CNTN5: variants seen among roughly 807,000 people sequenced by gnomAD.
CNTN5 encodes the protein contactin-5.
Under a neutral mutation model 129.1 loss-of-function variants are expected in CNTN5, and 77 were observed. The observed-to-expected ratio is 0.60, with a 90% CI of 0.50 to 0.72. CNTN5 has a LOEUF of 0.72. Ranked by LOEUF, CNTN5 falls within the 30% of genes least tolerant of loss-of-function variation. The pLI, the probability that CNTN5 is intolerant of heterozygous loss-of-function variation, is 0.00. For synonymous variants in CNTN5, 509 were observed against 465.6 expected (o/e 1.09, Z -1.20); for missense variants, 1,478 against 1,328.8 (o/e 1.11, Z -1.75).
chr11:100,033,945 T>C (rs1423127537), intron 9 of CNTN5, among the ~76,000 whole-genome samples: 1 of 152,200 alleles, frequency 6.6e-6, no homozygotes, highest in Non-Finnish European at 1.5e-5. Flanking sequence ...CACATCCTTC[T>C]TTCCTCAACT....
intron 2 of CNTN5, among the ~76,000 whole-genome samples, chr11:99,432,635 G>A (rs1271382624): frequency 6.6e-6 from 1 of 151,686 alleles, no homozygotes; most frequent in Admixed American, 6.6e-5. Context: ...GCAGTTCAGG[G>A]CAAGTGAGAG....
At chr11:99,038,020 TTTAA>T (rs1238471670) in intron 1 of CNTN5, among the ~76,000 whole-genome samples, 4 of 152,196 alleles carry the variant, frequency 2.6e-5, no homozygotes, top group African/African-American at 9.6e-5. Flanking sequence ...CATAATTTAA[TTTAA>T]TTAATTTAAT....
At chr11:99,573,318 C>T (rs1396714526) in intron 3 of CNTN5, among the ~76,000 whole-genome samples, 1 of 152,044 alleles carries the variant, frequency 6.6e-6, no homozygotes, top group Admixed American at 6.5e-5. Flanking sequence ...CGCCTGTAAT[C>T]CCAGCACTTT....
chr11:99,711,170 C>A (rs968509330), intron 3 of CNTN5, among the ~76,000 whole-genome samples: 1 of 151,838 alleles, frequency 6.6e-6, no homozygotes, highest in African/African-American at 2.4e-5. Context: ...AAAAAAGTCA[C>A]CCTTTAATAA....
At chr11:99,294,198 T>A (rs1298643704) in intron 1 of CNTN5, among the ~76,000 whole-genome samples, 1 of 152,322 alleles carries the variant, frequency 6.6e-6, no homozygotes, top group Non-Finnish European at 1.5e-5. Context: ...TTAATTTTCA[T>A]ATATTTAGTG....
chr11:99,271,202 A>T (rs2135856624), intron 1 of CNTN5, among the ~76,000 whole-genome samples: 1 of 152,078 alleles, frequency 6.6e-6, no homozygotes, highest in East Asian at 1.9e-4. Context: ...CAGACTTATG[A>T]ATTCTGAAGT....
Position 99,956,844 on chromosome 11 carries a change from T to A in CNTN5, c.712T>A (p.Phe238Ile), listed in dbSNP as rs766211231. The change falls in exon 8 of 25, where the codon TTT becomes ATT. Residue 238 changes from phenylalanine (F) to isoleucine (I), a missense_variant. Coordinates refer to ENST00000524871, the MANE Select transcript of CNTN5 (RefSeq NM_014361.4). ...YSWVFNEFPSFVAEDSRRFIS... is the reference protein window; with the variant it reads ...YSWVFNEFPSIVAEDSRRFIS... ...CTGGGTATTTAATGAGTTCCCTTCC[T>A]TTGTGGCGGAAGACAGCCGGCGGTT... 1 of 1,613,948 alleles carries A rather than the reference T, an allele frequency of 6.2e-7. No individual in the cohort carries two copies. The highest frequency in any genetic ancestry group is 8.5e-7 in the Non-Finnish European group (1 of 1,179,866).
intron 2 of CNTN5, among the ~76,000 whole-genome samples, chr11:99,553,281 A>T (rs574487553): frequency 1.3e-5 from 2 of 152,210 alleles, no homozygotes; most frequent in Admixed American, 6.6e-5. Context: ...GTTTAATGTA[A>T]ACTGGTACAT....
At chr11:99,985,360 C>T (rs1371707783) in intron 8 of CNTN5, among the ~76,000 whole-genome samples, 2 of 152,072 alleles carry the variant, frequency 1.3e-5, no homozygotes, top group African/African-American at 4.8e-5. Flanking sequence ...CCCACAAAGT[C>T]CAGCTGGATC....
chr11:99,837,684 T>TAAAA (rs34378760), intron 4 of CNTN5, among the ~76,000 whole-genome samples: 1 of 112,612 alleles, frequency 8.9e-6, no homozygotes, highest in African/African-American at 3.5e-5. Flanking sequence ...CACACATGAG[T>TAAAA]AAAAAAAAAA....
At chr11:99,083,224 T>C (rs1865878904) in intron 1 of CNTN5, among the ~76,000 whole-genome samples, 1 of 152,196 alleles carries the variant, frequency 6.6e-6, no homozygotes, top group Non-Finnish European at 1.5e-5. Flanking sequence ...TAAATTTGGA[T>C]ATTCTTCAGT....
chr11:99,094,388 C>T (rs754874364), intron 1 of CNTN5, among the ~76,000 whole-genome samples: 5 of 151,884 alleles, frequency 3.3e-5, no homozygotes, highest in Non-Finnish European at 7.4e-5. Flanking sequence ...CAGAGTTAAG[C>T]CTGTTGAAAT....
chr11:99,684,205 G>A (rs923001054), intron 3 of CNTN5, among the ~76,000 whole-genome samples: 7 of 151,750 alleles, frequency 4.6e-5, no homozygotes, highest in African/African-American at 1.5e-4. Context: ...CTATGCCTGT[G>A]AGTCAATAAT....
chr11:99,712,583 G>A (rs949071736), intron 3 of CNTN5, among the ~76,000 whole-genome samples: 5 of 152,050 alleles, frequency 3.3e-5, no homozygotes, highest in African/African-American at 1.2e-4. Context: ...TATTGCCTAG[G>A]TTTTCTTCTA....
rs578034397 is a variant in CNTN5, at chr11:100,108,591, A to G, written c.1580+34297A>G. On this transcript the variant is annotated intron_variant, in intron 13 of 24. Coordinates refer to ENST00000524871, the MANE Select transcript of CNTN5 (RefSeq NM_014361.4). ...TGAGGGAAACAAGCAGGCTGGGTAC[A>G]GAAGTTAAACTTTGGAACACTTTCT... Among the ~76,000 whole-genome samples, 4 of 152,322 alleles carry G rather than the reference A, an allele frequency of 2.6e-5. No individual in the cohort carries two copies. The South Asian group carries it at 8.3e-4, about 32-fold the overall frequency.
intron 15 of CNTN5, among the ~76,000 whole-genome samples, chr11:100,209,696 T>C (rs180927289): frequency 6.6e-6 from 1 of 152,364 alleles, no homozygotes; most frequent in East Asian, 1.9e-4. Context: ...TTAGTTCTAG[T>C]GATCTCAGTG....
At chr11:99,698,030 C>A (rs556717747) in intron 3 of CNTN5, among the ~76,000 whole-genome samples, 1 of 150,406 alleles carries the variant, frequency 6.6e-6, no homozygotes, top group African/African-American at 2.4e-5. Flanking sequence ...GAACGTTTTT[C>A]ATTATTTGCA....
At chr11:99,499,816 GT>G (rs1359690821) in intron 2 of CNTN5, among the ~76,000 whole-genome samples, 3 of 152,052 alleles carry the variant, frequency 2.0e-5, no homozygotes, top group Non-Finnish European at 4.4e-5. Flanking sequence ...ATTGTTTTCT[GT>G]TTTTGATGTG....
At chr11:100,009,004 T>G (rs1192306668) in intron 9 of CNTN5, among the ~76,000 whole-genome samples, 1 of 152,080 alleles carries the variant, frequency 6.6e-6, no homozygotes. Flanking sequence ...AGATAATTTT[T>G]CCATATATAA....
Sources: gnomAD v4.1 joint callset for allele counts (sites outside exome capture counted in the v4.1 genomes callset) on GRCh38, gnomAD v4.1.1 for gene constraint, MANE v1.5 for transcripts, NCBI Gene and HGNC (gene_info 2026-07-23, HGNC 2026-07-21) for gene names.